The following EMSY variants were observed in gnomAD, a reference collection of about 807,000 sequenced individuals.
EMSY encodes BRCA2-interacting transcriptional repressor EMSY.
A neutral mutation model predicts 134.6 loss-of-function variants in EMSY; 26 were observed. The ratio of observed to expected loss-of-function variants is 0.19; its 90% CI spans 0.14 to 0.27. EMSY has a LOEUF of 0.27. EMSY is among the 10% of genes least tolerant of loss of function. The pLI, the probability that EMSY is intolerant of heterozygous loss-of-function variation, is 1.00. For missense variants in EMSY, 1,305 were observed against 1,611.4 expected, an observed-to-expected ratio of 0.81 and a Z score of 3.26; for synonymous variants, 579 against 577.8, an observed-to-expected ratio of 1.00 and a Z score of -0.03.
chr11:76,545,657 T>C, intron 19 of EMSY, 140 bp from the exon 21 acceptor site: 1 of 1,089,590 alleles, frequency 9.2e-7, no homozygotes, highest in South Asian at 1.7e-5. Flanking sequence ...TATCCAGCCC[T>C]CTTTTTAAAA....
chr11:76,515,495 T>C (rs1950420576), intron 10 of EMSY, among the ~76,000 whole-genome samples: 1 of 152,024 alleles, frequency 6.6e-6, no homozygotes, highest in South Asian at 2.1e-4. Flanking sequence ...TGAAGAAAAA[T>C]AGTCTAACAG....
At chr11:76,451,132 G>A (rs532465031) in intron 2 of EMSY, among the ~76,000 whole-genome samples, 28 of 152,274 alleles carry the variant, frequency 1.8e-4, no homozygotes, top group African/African-American at 6.7e-4. Context: ...ATTCTGTGGA[G>A]AGAGTGCAAT....
intron 5 of EMSY, 119 bp from the exon 7 acceptor site, chr11:76,459,813 TG>T: frequency 1.8e-6 from 2 of 1,097,962 alleles, no homozygotes; most frequent in Non-Finnish European, 2.7e-6. Context: ...TACCTAGTAC[TG>T]GCCTCTGACT....
intron 8 of EMSY, among the ~76,000 whole-genome samples, chr11:76,489,315 C>CTTTTTTTTTTTTTTTTTTT (rs57048007): frequency 1.6e-5 from 2 of 128,170 alleles, no homozygotes; most frequent in Non-Finnish European, 1.7e-5. Flanking sequence ...TTCTTGTTTT[C>CTTTTTTTTTTTTTTTTTTT]TTTTTTTTTT....
intron 7 of EMSY, among the ~76,000 whole-genome samples, chr11:76,466,164 A>G (rs537821303): frequency 1.3e-5 from 2 of 152,322 alleles, no homozygotes; most frequent in South Asian, 4.1e-4. Flanking sequence ...CCCTCATGAC[A>G]GTAAATTCTT....
At chr11:76,496,319 C>A in exon 9 of EMSY, 1 of 1,614,134 alleles carries the variant, frequency 6.2e-7, no homozygotes, top group Non-Finnish European at 8.5e-7. Flanking sequence ...TAAACAACAT[C>A]AACAGTCTCC....
chr11:76,532,980 G>A (rs1244412544), intron 14 of EMSY, among the ~76,000 whole-genome samples: 1 of 152,066 alleles, frequency 6.6e-6, no homozygotes, highest in Non-Finnish European at 1.5e-5. Context: ...AATATAAAAT[G>A]TTCCCCAACT....
chr11:76,472,703 C>T, exon 8 of EMSY: 3 of 1,614,230 alleles, frequency 1.9e-6, no homozygotes, highest in Non-Finnish European at 2.5e-6. Flanking sequence ...GTTGTTATAA[C>T]TGCTTCACAG....
chr11:76,525,057 A>G lies in EMSY; in HGVS notation c.1822-1405A>G, dbSNP rs144223187. ...AGACCACATAGGCACAATCACCTCT[A>G]CTCACCACTTGCTCACCTATGCATG... On this transcript the variant is annotated intron_variant, in intron 12 of 20. Coordinates refer to ENST00000334736, the Ensembl canonical transcript of EMSY. Among the ~76,000 whole-genome samples the G allele has an allele frequency of 2.6e-5, 4 of 152,172 alleles. No individual in the cohort carries two copies. The East Asian group carries it at 7.7e-4, about 29-fold the overall frequency.
At chr11:76,542,054 A>G in intron 17 of EMSY, 162 bp from the exon 19 acceptor site, 1 of 816,210 alleles carries the variant, frequency 1.2e-6, no homozygotes, top group Non-Finnish European at 2.0e-6. Flanking sequence ...TCTTAGAGTC[A>G]CACAGCTCAT....
At chr11:76,534,085 G>A (rs575543102) in intron 14 of EMSY, among the ~76,000 whole-genome samples, 5 of 152,150 alleles carry the variant, frequency 3.3e-5, no homozygotes, top group African/African-American at 4.8e-5. Context: ...TTGGGATAAT[G>A]GTCTTTGGTA....
chr11:76,468,127 A>G (rs1948431801), intron 7 of EMSY, among the ~76,000 whole-genome samples: 1 of 152,066 alleles, frequency 6.6e-6, no homozygotes, highest in Non-Finnish European at 1.5e-5. Flanking sequence ...AAGTTTGTGA[A>G]CTTTTTTTAA....
chr11:76,449,754 C>T lies in EMSY; in HGVS notation c.71-2104C>T, dbSNP rs1191341072. Among the ~76,000 whole-genome samples, 4 of 152,172 alleles carry T rather than the reference C, an allele frequency of 2.6e-5. No individual in the cohort carries two copies. In the East Asian group the frequency reaches 5.8e-4, roughly 22 times the overall value. Reference sequence around the variant, plus strand: ...TTTTCCATTTTTACCGTTCTCTGTTCTCTTCCATGTGTGAACTAAAATCTT... The same window carrying T: ...TTTTCCATTTTTACCGTTCTCTGTTTTCTTCCATGTGTGAACTAAAATCTT... On this transcript the variant is annotated intron_variant, in intron 2 of 20. Transcript: ENST00000334736.
intron 7 of EMSY, among the ~76,000 whole-genome samples, chr11:76,467,992 CA>C (rs71986141): frequency 6.4e-5 from 9 of 141,420 alleles, no homozygotes; most frequent in East Asian, 2.0e-4. Flanking sequence ...AAAAAAAAAA[CA>C]AAAAAAAAAA....
At chr11:76,512,261 C>T (rs532281529) in intron 9 of EMSY, among the ~76,000 whole-genome samples, 2 of 151,552 alleles carry the variant, frequency 1.3e-5, no homozygotes, top group African/African-American at 2.4e-5. Context: ...TCTCATTTAC[C>T]CCGAGAATAC....
At position 76,465,067 on chromosome 11, in the gene EMSY, G is replaced by A. The variant is rs11236759; in HGVS notation, c.831+987G>A. Among the ~76,000 whole-genome samples the A allele has an allele frequency of 9.0e-4, 137 of 152,114 alleles. No homozygotes were observed. In the East Asian group the frequency reaches 0.022, roughly 25 times the overall value. On this transcript the variant is annotated intron_variant, in intron 7 of 20. Coordinates refer to ENST00000334736, the Ensembl canonical transcript of EMSY. ...CCTTGGTGTGGGTCTTTATTTCATC[G>A]ATTAGGTTGTATACTCAGTGGGCCC...
chr11:76,473,852 G>A (rs1318607647), intron 8 of EMSY, among the ~76,000 whole-genome samples: 1 of 151,906 alleles, frequency 6.6e-6, no homozygotes. Context: ...AAAATTAGCC[G>A]GGCATGGTAA....
chr11:76,501,468 A>C (rs1949854088), intron 9 of EMSY, among the ~76,000 whole-genome samples: 1 of 152,218 alleles, frequency 6.6e-6, no homozygotes. Context: ...ACATCAAATA[A>C]AGATCAATAA....
chr11:76,530,903 T>G (rs1446132361), intron 14 of EMSY, among the ~76,000 whole-genome samples: 1 of 152,198 alleles, frequency 6.6e-6, no homozygotes, highest in Non-Finnish European at 1.5e-5. Context: ...CTTTTGTAGT[T>G]TTTAGCCACT....
Sources: allele counts gnomAD v4.1 joint callset (sites outside exome capture counted in the v4.1 genomes callset), GRCh38; gene constraint gnomAD v4.1.1; transcripts MANE v1.5; gene names NCBI Gene and HGNC (gene_info 2026-07-23, HGNC 2026-07-21).